Variants in CRLF1 observed in about 807,000 individuals in gnomAD.
CRLF1 encodes the protein cytokine receptor-like factor 1.
Under a neutral mutation model 48.9 loss-of-function variants are expected in CRLF1, and 36 were observed. That is an observed-to-expected ratio of 0.74 (90% CI 0.56 to 0.97). CRLF1 has a LOEUF of 0.97. Among genes scored for constraint, CRLF1 ranks in the 50% least tolerant of loss-of-function variants. The pLI, the probability that CRLF1 is intolerant of heterozygous loss-of-function variation, is 0.00. For missense variants in CRLF1, 534 were observed against 575.1 expected, an observed-to-expected ratio of 0.93 and a Z score of 0.73; for synonymous variants, 256 against 253.4, an observed-to-expected ratio of 1.01 and a Z score of -0.10.
chr19:18,594,422 G>A lies in CRLF1; in HGVS notation c.1037C>T (p.Pro346Leu), dbSNP rs773846726. 3.3e-6 allele frequency: 5 copies of A among 1,494,286 alleles called. No homozygotes were observed. The South Asian group carries it at 5.2e-5, about 16-fold the overall frequency. The allele number at this position is 1,494,286 out of a possible 1,614,324, so 92.6% of individuals were successfully genotyped here. The stretch of plus-strand genomic sequence containing the variant: ...CCGCGGTTCGCACGCCCCGCCGCCC[G>A]GGCCCGGGCGCTCTGGTGGTGGGCG... ...ASTPRSERPG[P>L]GGGACEPRGG... Residue 346 changes from proline (P) to leucine (L), a missense_variant, in exon 7 of 9, where the codon CCG (proline) becomes CTG (leucine). This residue lies in a region of CRLF1 where 528 missense variants were observed against 555.7 expected (regional missense o/e 0.95). Coordinates refer to ENST00000392386, the MANE Select transcript of CRLF1 (RefSeq NM_004750.5).
At chr19:18,597,111 G>A in intron 4 of CRLF1, 62 bp from the exon 5 acceptor site, 1 of 1,553,310 alleles carries the variant, frequency 6.4e-7, no homozygotes, top group Non-Finnish European at 8.7e-7. Context: ...CCCCCCAGCA[G>A]TGTGGCCCAG....
chr19:18,597,141 A>G (rs920665373), intron 4 of CRLF1, 92 bp from the exon 5 acceptor site: 76 of 1,404,356 alleles, frequency 5.4e-5, no homozygotes, highest in Non-Finnish European at 7.2e-5. Context: ...CCTAGATGGA[A>G]CCTGCCTCTG....
chr19:18,597,180 C>T, intron 4 of CRLF1, 131 bp from the exon 5 acceptor site: 1 of 911,298 alleles, frequency 1.1e-6, no homozygotes, highest in Middle Eastern at 3.2e-4. Context: ...TGCCCCCACC[C>T]CCAGGACTGG....
At chr19:18,599,142 G>GTAGGCCAGCCTGGCCTCGAAC in intron 2 of CRLF1, 2 of 982,136 alleles carry the variant, frequency 2.0e-6, no homozygotes, top group Non-Finnish European at 2.4e-6. Flanking sequence ...GTCTCGCTCT[G>GTAGGCCAGCCTGGCCTCGAAC]TCCCCCAGGC....
In CRLF1 at chr19:18,594,292, G is replaced by A. The variant is rs765078381; in HGVS notation, c.1167C>T (p.Asp389=). ...YCSNLSFRLY[D]QWRAWMQKSH... is the part of the protein sequence containing the mutation. ...ACTTCTGCATCCAGGCTCGCCACTG[G>A]TCGTAGAGGCGGAAGCTGAGGTTGG... is the stretch of plus-strand genomic sequence containing the variant. Residue 389 remains aspartate (D), a synonymous_variant, in exon 7 of 9, where the codon GAC becomes GAT. Transcript: ENST00000392386. 32 of 1,612,654 alleles carry A rather than the reference G, an allele frequency of 2.0e-5. No homozygotes were observed. Among genetic ancestry groups the A allele is most frequent in the Non-Finnish European group, 2.7e-5 (32 of 1,179,884 alleles).
At chr19:18,605,791 G>A (rs1405018747) in intron 1 of CRLF1, among the ~76,000 whole-genome samples, 6 of 152,154 alleles carry the variant, frequency 3.9e-5, no homozygotes, top group African/African-American at 7.2e-5. Context: ...GTCTTGGCCC[G>A]TAGGGCAGCG....
chr19:18,604,923 G>C (rs1976269842), intron 1 of CRLF1, among the ~76,000 whole-genome samples: 1 of 152,166 alleles, frequency 6.6e-6, no homozygotes, highest in African/African-American at 2.4e-5. Context: ...AAAGGGAAAA[G>C]TGTGAGATTC....
At position 18,599,845 on chromosome 19, in the gene CRLF1, G is replaced by A. The variant is rs1183636133; in HGVS notation, c.117C>T (p.His39=). The change falls in exon 2 of 9, where the codon CAC becomes CAT. Residue 39 remains histidine, a splice_region_variant and synonymous_variant. Coordinates refer to ENST00000392386, the MANE Select transcript of CRLF1 (RefSeq NM_004750.5). ...LGAPRAGSGA[H]TAVISPQDPT... Reference sequence around the variant, plus strand: ...GATCCTGGGGACTGATCACAGCTGTGTCTGGGGTCAAAGAGGAACACGTGT... The same window carrying A: ...GATCCTGGGGACTGATCACAGCTGTATCTGGGGTCAAAGAGGAACACGTGT... 1 of 1,523,992 alleles carries A rather than the reference G, an allele frequency of 6.6e-7. No individual in the cohort carries two copies. Among genetic ancestry groups the A allele is most frequent in the Admixed American group, 2.1e-5 (1 of 47,584 alleles). 94.4% of individuals were successfully genotyped at this position (1,523,992 alleles called of 1,614,324 possible). A position where few individuals can be genotyped will look rare whatever the true frequency, so the allele number is the denominator to read the frequency against.
At chr19:18,599,125 A>G in intron 2 of CRLF1, 3 of 985,082 alleles carry the variant, frequency 3.0e-6, no homozygotes, top group Non-Finnish European at 3.6e-6. Context: ...TCTTTTTTCG[A>G]GGCAAAGTCT....
intron 6 of CRLF1, among the ~76,000 whole-genome samples, chr19:18,594,669 TCTC>T (rs1053785864): frequency 4.6e-5 from 7 of 150,682 alleles, no homozygotes; most frequent in African/African-American, 1.2e-4. Context: ...CTCCTCCACA[TCTC>T]CTCCAGGAAC....
intron 6 of CRLF1, 26 bp downstream of exon 6, chr19:18,596,596 T>C (rs1976136258): frequency 6.2e-7 from 1 of 1,608,584 alleles, no homozygotes; most frequent in African/African-American, 1.3e-5. Flanking sequence ...GGCCGCTGGA[T>C]CACCCAGCCC....
At chr19:18,595,201 C>T (rs957562756) in intron 6 of CRLF1, among the ~76,000 whole-genome samples, 7 of 152,242 alleles carry the variant, frequency 4.6e-5, no homozygotes, top group African/African-American at 1.2e-4. Context: ...CGGCCCCCGC[C>T]GCCCCTGCTG....
At chr19:18,605,647 A>C (rs1319039151) in intron 1 of CRLF1, among the ~76,000 whole-genome samples, 1 of 152,180 alleles carries the variant, frequency 6.6e-6, no homozygotes, top group African/African-American at 2.4e-5. Flanking sequence ...ACGGGCCACA[A>C]GCCAGTGTGA....
intron 6 of CRLF1, 90 bp downstream of exon 6, chr19:18,596,532 G>GAAA: frequency 7.5e-7 from 1 of 1,329,194 alleles, no homozygotes. Flanking sequence ...TGTCTCAAAA[G>GAAA]AAAAAAAAAA....
In CRLF1 at chr19:18,593,542, G is replaced by A; in HGVS notation, c.*24C>T. 1.2e-6 allele frequency: 2 copies of A among 1,610,726 alleles called. No homozygotes were observed. The highest frequency in any genetic ancestry group is 2.2e-5 in the East Asian group (1 of 44,798). ...GGCCTCTGCGTCTCCACGTGGCAGG[G>A]AGGGTGGCCTGAGCCCCTACAGCTT... On this transcript the variant is annotated 3_prime_UTR_variant, in exon 9 of 9. Coordinates refer to ENST00000392386, the MANE Select transcript of CRLF1 (RefSeq NM_004750.5).
chr19:18,594,032 T>TGCCCCC, intron 8 of CRLF1, 33 bp downstream of exon 8: 1 of 695,812 alleles, frequency 1.4e-6, no homozygotes, highest in South Asian at 1.8e-5. Context: ...CTCCCCTTGC[T>TGCCCCC]CCCTCCCGCC....
In CRLF1 at chr19:18,598,586, G is replaced by A. The variant is rs767947330; in HGVS notation, c.543C>T (p.Asp181=). The change falls in exon 4 of 9, where the codon GAC becomes GAT. Residue 181 remains aspartate, a synonymous_variant. Coordinates refer to ENST00000392386, the MANE Select transcript of CRLF1 (RefSeq NM_004750.5). ...LKYKLRWYGQ[D]NTCEEYHTVG... ...CTGTGTGGTACTCCTCACATGTGTT[G>A]TCCTGGCCATACCACCTGCGGGGAT... is the stretch of plus-strand genomic sequence containing the variant. 6.2e-7 allele frequency: 1 copy of A among 1,614,018 alleles called. No individual in the cohort carries two copies.
Position 18,606,615 on chromosome 19 carries a change from CCGCGCGGATTGG to C in CRLF1, c.30_41del (p.Gln11_Arg14del), listed in dbSNP as rs1484655391. ...GCAGGGGCAGCAACGGCGGCGGCCG[CCGCGCGGATTGG>C]GCGGCGGGGCCCCGGCGGCCGGCGG... On this transcript the variant is annotated inframe_deletion, in exon 1 of 9. Coordinates refer to ENST00000392386, the MANE Select transcript of CRLF1 (RefSeq NM_004750.5). This position sits in a 1 kb window ranked among gnomAD's most constrained non-coding sequence, Gnocchi z 4.8. The C allele has an allele frequency of 6.0e-5, 64 of 1,075,482 alleles. No homozygotes were observed. Among genetic ancestry groups the C allele is most frequent in the Non-Finnish European group, 7.1e-5 (63 of 887,932 alleles). The allele number at this position is 1,075,482 out of a possible 1,614,324, so 66.6% of individuals were successfully genotyped here. A position where few individuals can be genotyped will look rare whatever the true frequency, so the allele number is the denominator to read the frequency against.
intron 8 of CRLF1, 72 bp from the exon 9 acceptor site, chr19:18,593,651 G>A: frequency 6.4e-7 from 1 of 1,557,756 alleles, no homozygotes; most frequent in South Asian, 1.2e-5. Context: ...CACTGAAGGA[G>A]GCTTCATTCG....
Sources: allele counts gnomAD v4.1 joint callset (sites outside exome capture counted in the v4.1 genomes callset), GRCh38; gene constraint gnomAD v4.1.1; regional missense constraint gnomAD v4.1.1; non-coding constraint Gnocchi (gnomAD v3.1); transcripts MANE v1.5; gene names NCBI Gene and HGNC (gene_info 2026-07-23, HGNC 2026-07-21).